FOXP2: variants seen among roughly 807,000 people sequenced by gnomAD.
FOXP2 encodes forkhead box protein P2.
A neutral mutation model predicts 115.8 loss-of-function variants in FOXP2; 12 were observed. That is an observed-to-expected ratio of 0.10 (90% CI 0.07 to 0.17). The LOEUF (loss-of-function observed/expected upper bound fraction) is 0.17, where lower values mean the gene tolerates loss of function less well. FOXP2 is among the 10% of genes least tolerant of loss of function. The pLI, the probability that FOXP2 is intolerant of heterozygous loss-of-function variation, is 1.00. For missense variants in FOXP2, 629 were observed against 843.5 expected (o/e 0.75, Z 3.15); for synonymous variants, 328 against 297.7 (o/e 1.10, Z -1.05).
At chr7:114,575,446 G>A (rs779665023) in intron 3 of FOXP2, among the ~76,000 whole-genome samples, 1 of 151,712 alleles carries the variant, frequency 6.6e-6, no homozygotes, top group Non-Finnish European at 1.5e-5. Context: ...CTTGGGTCAC[G>A]GCCAAGACAG....
At chr7:114,487,457 A>T (rs1027091405) in intron 2 of FOXP2, among the ~76,000 whole-genome samples, 1 of 151,966 alleles carries the variant, frequency 6.6e-6, no homozygotes, top group Non-Finnish European at 1.5e-5. Context: ...CCCTGGAGAC[A>T]TTTTCTCCAT....
At chr7:114,173,517 A>G (rs956119601) in intron 1 of FOXP2, among the ~76,000 whole-genome samples, 1 of 151,970 alleles carries the variant, frequency 6.6e-6, no homozygotes, top group Admixed American at 6.6e-5. Flanking sequence ...AAAATGAAAT[A>G]TAAAAAATCT....
Position 114,349,997 on chromosome 7 carries a change from A to G in FOXP2, c.-11+61888A>G, listed in dbSNP as rs1469318963. Among the ~76,000 whole-genome samples, 8 of 152,122 alleles carry G rather than the reference A, an allele frequency of 5.3e-5. No individual in the cohort carries two copies. In the East Asian group the frequency reaches 1.5e-3, roughly 29 times the overall value. On this transcript the variant is annotated intron_variant, in intron 2 of 17. Transcript: ENST00000634411. ...GAATTCTGAACTAATACAAAGATAA[A>G]ATAGCTTTAAAAGTCACTAAAGATC...
intron 1 of FOXP2, among the ~76,000 whole-genome samples, chr7:114,134,855 C>T (rs1791995348): frequency 6.6e-6 from 1 of 152,212 alleles, no homozygotes; most frequent in Non-Finnish European, 1.5e-5. Flanking sequence ...TTTAGCTTAA[C>T]TTACCGTAAA....
intron 2 of FOXP2, among the ~76,000 whole-genome samples, chr7:114,464,919 T>C (rs924478225): frequency 6.6e-6 from 1 of 152,206 alleles, no homozygotes; most frequent in Non-Finnish European, 1.5e-5. Flanking sequence ...CACACCTTGA[T>C]AGAGTAATAC....
At chr7:114,113,213 A>C (rs1370217908) in intron 1 of FOXP2, among the ~76,000 whole-genome samples, 1 of 152,212 alleles carries the variant, frequency 6.6e-6, no homozygotes, top group African/African-American at 2.4e-5. Context: ...GAGAAAAAGA[A>C]GAAATAAAAA....
intron 2 of FOXP2, among the ~76,000 whole-genome samples, chr7:114,520,356 A>T (rs764031282): frequency 1.3e-5 from 2 of 152,102 alleles, no homozygotes; most frequent in African/African-American, 2.4e-5. Context: ...ATAGAGCATG[A>T]CCAATGTAGT....
At chr7:114,644,950 G>A (rs994260902) in intron 8 of FOXP2, 161 bp downstream of exon 8, 21 of 581,498 alleles carry the variant, frequency 3.6e-5, no homozygotes, top group Non-Finnish European at 6.1e-5. Context: ...AGTAAGATCA[G>A]GCTTCATCTT....
At chr7:114,147,130 C>A (rs1238650306) in intron 1 of FOXP2, among the ~76,000 whole-genome samples, 2 of 152,078 alleles carry the variant, frequency 1.3e-5, no homozygotes, top group Non-Finnish European at 2.9e-5. Context: ...AATCACAAAT[C>A]AGCTACTTGT....
chr7:114,259,840 G>A (rs773081305), intron 1 of FOXP2, among the ~76,000 whole-genome samples: 2 of 152,080 alleles, frequency 1.3e-5, no homozygotes, highest in African/African-American at 2.4e-5. Flanking sequence ...TCTCTCTGTG[G>A]TAGGTTGCAA....
chr7:114,395,285 G>A (rs1391665825), intron 2 of FOXP2, among the ~76,000 whole-genome samples: 3 of 152,154 alleles, frequency 2.0e-5, no homozygotes. Flanking sequence ...AACCCAAAAG[G>A]AAGAGGAGTT....
At chr7:114,198,244 A>G (rs1312810587) in intron 1 of FOXP2, among the ~76,000 whole-genome samples, 4 of 152,186 alleles carry the variant, frequency 2.6e-5, no homozygotes, top group Non-Finnish European at 5.9e-5. Context: ...GCCATGTGGC[A>G]TTCAAACACT....
chr7:114,167,935 CAAAAAAAA>C (rs34195375), intron 1 of FOXP2, among the ~76,000 whole-genome samples: 2 of 83,586 alleles, frequency 2.4e-5, no homozygotes, highest in African/African-American at 1.0e-4. Context: ...GACTCCATCT[CAAAAAAAA>C]AAAAAAAAAA....
At position 114,092,314 on chromosome 7, in the gene FOXP2, AT is replaced by A. The variant is rs879368060; in HGVS notation, c.-247+4485del. ...ATTATACCATTAGAATGTCTTAAAG[AT>A]TTTTTTTTCTTTTTTAGCAGATTAA... is the stretch of plus-strand genomic sequence containing the variant. On this transcript the variant is annotated intron_variant, in intron 1 of 19. Coordinates refer to the FOXP2 transcript ENST00000635638. 4.6e-5 allele frequency among the ~76,000 whole-genome samples: 7 copies of A among 151,580 alleles called. No individual in the cohort carries two copies. In the South Asian group the frequency reaches 6.2e-4, roughly 14 times the overall value.
At chr7:114,346,726 G>GA (rs999718122) in intron 2 of FOXP2, among the ~76,000 whole-genome samples, 11 of 151,260 alleles carry the variant, frequency 7.3e-5, no homozygotes, top group Admixed American at 2.6e-4. Context: ...TCTAAAAAGA[G>GA]AAAAAAAACC....
intron 2 of FOXP2, among the ~76,000 whole-genome samples, chr7:114,371,652 A>T (rs1161514419): frequency 6.6e-6 from 1 of 152,114 alleles, no homozygotes; most frequent in African/African-American, 2.4e-5. Context: ...AAATAATTTT[A>T]AAATTATAAT....
intron 1 of FOXP2, among the ~76,000 whole-genome samples, chr7:114,180,960 C>G (rs911025250): frequency 6.6e-6 from 1 of 151,730 alleles, no homozygotes; most frequent in African/African-American, 2.4e-5. Flanking sequence ...TAAAATTTTG[C>G]TGTTGTTTCC....
At chr7:114,490,021 G>C (rs971915465) in intron 2 of FOXP2, among the ~76,000 whole-genome samples, 7 of 152,066 alleles carry the variant, frequency 4.6e-5, no homozygotes, top group African/African-American at 1.7e-4. Flanking sequence ...CAGTTTTGCA[G>C]TTTCTTACAA....
At chr7:114,159,697 T>C (rs1337507770), upstream of FOXP2, among the ~76,000 whole-genome samples, 3 of 151,882 alleles carry the variant, frequency 2.0e-5, no homozygotes, top group Non-Finnish European at 2.9e-5. Flanking sequence ...CACTGGATTA[T>C]AGTTCACATT....
Sources: allele counts gnomAD v4.1 joint callset (sites outside exome capture counted in the v4.1 genomes callset), GRCh38; gene constraint gnomAD v4.1.1; transcripts MANE v1.5; gene names NCBI Gene and HGNC (gene_info 2026-07-23, HGNC 2026-07-21).